The following PTPRQ variants were observed in gnomAD, a reference collection of about 807,000 sequenced individuals.
The protein encoded by PTPRQ is protein tyrosine phosphatase receptor type Q.
Under a neutral mutation model 246.0 loss-of-function variants are expected in PTPRQ, and 199 were observed. The ratio of observed to expected loss-of-function variants is 0.81; its 90% CI spans 0.72 to 0.91. The LOEUF (loss-of-function observed/expected upper bound fraction) is 0.91, where lower values mean the gene tolerates loss of function less well. Ranked by LOEUF, PTPRQ falls within the 40% of genes least tolerant of loss-of-function variation. PTPRQ has a pLI of 0.00. For missense variants in PTPRQ, 2,624 were observed against 2,528.4 expected (o/e 1.04, Z -0.81); for synonymous variants, 869 against 853.2 (o/e 1.02, Z -0.32).
chr12:80,624,215 A>G (rs1899110287), intron 33 of PTPRQ, among the ~76,000 whole-genome samples: 1 of 152,182 alleles, frequency 6.6e-6, no homozygotes, highest in African/African-American at 2.4e-5. Flanking sequence ...CTAAGGAAGG[A>G]GGGACTGGTG....
chr12:80,467,472 A>G (rs1368483322), intron 6 of PTPRQ, among the ~76,000 whole-genome samples: 3 of 152,084 alleles, frequency 2.0e-5, no homozygotes, highest in Non-Finnish European at 4.4e-5. Flanking sequence ...ATCTAGAACT[A>G]GAAATACCAT....
chr12:80,445,866 A>G, intron 3 of PTPRQ, 149 bp downstream of exon 3: 1 of 567,370 alleles, frequency 1.8e-6, no homozygotes, highest in South Asian at 2.5e-5. Context: ...CCCACCTGAG[A>G]TTTTAAAACT....
intron 17 of PTPRQ, among the ~76,000 whole-genome samples, chr12:80,533,725 C>G (rs1895908526): frequency 6.6e-6 from 1 of 152,018 alleles, no homozygotes; most frequent in African/African-American, 2.4e-5. Flanking sequence ...TACTTTAGTA[C>G]ATAGTATTCC....
rs1299338760 is a variant in PTPRQ, at chr12:80,632,323, G to A, written c.5786+32G>A. 2.6e-6 allele frequency: 4 copies of A among 1,550,638 alleles called. No individual in the cohort carries two copies. In the Admixed American group the frequency reaches 7.9e-5, roughly 30 times the overall value. ...TTTATTTGCGCTTACATTCCAGGAT[G>A]CTTTATGGGCATTATATCAGTCATA... On this transcript the variant is annotated intron_variant, in intron 34 of 44. Coordinates refer to ENST00000644991, the MANE Select transcript of PTPRQ (RefSeq NM_001145026.2).
At position 80,670,452 on chromosome 12, in the gene PTPRQ, A is replaced by G; in HGVS notation, c.6562A>G (p.Ser2188Gly). The part of the protein sequence containing the change: ...LIHFVKLVRA[S>G]RAHDTTPMIV... ...TCACTTTGTGAAGTTGGTTCGAGCA[A>G]GCAGGGCACATGACACCACACCTAT... The change falls in exon 42 of 45, where the codon AGC becomes GGC. Residue 2188 changes from serine (S) to glycine (G), a missense_variant. Transcript: ENST00000644991. 1 of 1,551,284 alleles carries G rather than the reference A, an allele frequency of 6.4e-7. No individual in the cohort carries two copies. The highest frequency in any genetic ancestry group is 2.0e-5 in the Admixed American group (1 of 50,954).
At chr12:80,506,732 T>C (rs1297673075) in intron 16 of PTPRQ, 62 bp downstream of exon 16, 3 of 1,437,492 alleles carry the variant, frequency 2.1e-6, no homozygotes, top group South Asian at 1.4e-5. Flanking sequence ...AACACACGTA[T>C]AGAATGAAAC....
At position 80,468,847 on chromosome 12, in the gene PTPRQ, T is replaced by C. The variant is rs553249132; in HGVS notation, c.1039+9T>C. 9 of 1,544,740 alleles carry C rather than the reference T, an allele frequency of 5.8e-6. No individual in the cohort carries two copies. The highest frequency in any genetic ancestry group is 2.4e-5 in the South Asian group (2 of 82,046). ...ATTATATGGACCATCAGGTAAGCCT[T>C]AATTGGTTTTGTGTTTGCCTTTTGG... On this transcript the variant is annotated intron_variant, in intron 7 of 44. Transcript: ENST00000644991.
chr12:80,495,177 A>G lies in PTPRQ; in HGVS notation c.1703-15A>G, dbSNP rs1592581044. 9 of 1,544,652 alleles carry G rather than the reference A, an allele frequency of 5.8e-6. No homozygotes were observed. The highest frequency in any genetic ancestry group is 7.0e-6 in the Non-Finnish European group (8 of 1,145,084). ...ATACTTTTTTTTCATTCATATGTTC[A>G]TTCTTCTTTTTAAGTGCCAAGCTCC... is the stretch of plus-strand genomic sequence containing the variant. On this transcript the variant is annotated splice_polypyrimidine_tract_variant and intron_variant, in intron 11 of 44. Transcript: ENST00000644991.
rs1442127023 is a variant in PTPRQ, at chr12:80,669,078, A to G, written c.6264A>G (p.Arg2088=). The change falls in exon 40 of 45, where the codon AGA becomes AGG. Residue 2088 remains arginine (R), a synonymous_variant. Coordinates refer to ENST00000644991, the MANE Select transcript of PTPRQ (RefSeq NM_001145026.2). ...PLPGTVGDFW[R]MVWETRAKTL... is the part of the protein sequence containing the mutation. ...CAGGAACAGTTGGAGATTTTTGGAG[A>G]ATGGTGTGGGAAACCAGAGCAAAAA... 1 of 1,550,570 alleles carries G rather than the reference A, an allele frequency of 6.4e-7. No individual in the cohort carries two copies. The highest frequency in any genetic ancestry group is 8.7e-7 in the Non-Finnish European group (1 of 1,146,148).
intron 3 of PTPRQ, among the ~76,000 whole-genome samples, chr12:80,446,492 A>G (rs1414175772): frequency 2.0e-5 from 3 of 151,764 alleles, no homozygotes; most frequent in African/African-American, 7.3e-5. Context: ...ACGTGGGTAT[A>G]TTGTGTAATG....
intron 17 of PTPRQ, among the ~76,000 whole-genome samples, chr12:80,513,961 G>A (rs1327356906): frequency 6.6e-6 from 1 of 152,122 alleles, no homozygotes; most frequent in Non-Finnish European, 1.5e-5. Context: ...TGCTAGAGGA[G>A]CCCTTACATC....
chr12:80,615,244 T>A (rs888297102), intron 29 of PTPRQ, among the ~76,000 whole-genome samples: 1 of 151,028 alleles, frequency 6.6e-6, no homozygotes, highest in African/African-American at 2.4e-5. Flanking sequence ...CTAGGCATTT[T>A]CAAGCCACAT....
At chr12:80,655,666 A>C (rs934615535) in intron 38 of PTPRQ, among the ~76,000 whole-genome samples, 1 of 151,960 alleles carries the variant, frequency 6.6e-6, no homozygotes, top group African/African-American at 2.4e-5. Context: ...GGAACAAGCA[A>C]ATAAGATGTT....
chr12:80,593,142 T>C (rs1897858268), intron 26 of PTPRQ, among the ~76,000 whole-genome samples: 1 of 152,218 alleles, frequency 6.6e-6, no homozygotes, highest in Non-Finnish European at 1.5e-5. Flanking sequence ...AACTGCATTT[T>C]ATCCTAATGA....
intron 22 of PTPRQ, 111 bp downstream of exon 22, chr12:80,542,475 A>G: frequency 1.4e-6 from 2 of 1,399,330 alleles, no homozygotes; most frequent in Non-Finnish European, 1.9e-6. Context: ...TATTTGTAAC[A>G]GCCTTACCAT....
chr12:80,571,184 A>G (rs926807895), intron 25 of PTPRQ, among the ~76,000 whole-genome samples: 1 of 152,128 alleles, frequency 6.6e-6, no homozygotes, highest in Non-Finnish European at 1.5e-5. Context: ...TCACTCTGTC[A>G]CCCAGGCTGG....
intron 33 of PTPRQ, among the ~76,000 whole-genome samples, chr12:80,624,247 T>C (rs1259963927): frequency 1.3e-5 from 2 of 152,086 alleles, no homozygotes; most frequent in African/African-American, 2.4e-5. Flanking sequence ...GGACACAATA[T>C]ATAGAAAGGC....
intron 25 of PTPRQ, chr12:80,583,546 A>G (rs1340932995): frequency 6.6e-6 from 1 of 152,190 alleles, no homozygotes; most frequent in Non-Finnish European, 1.5e-5. Flanking sequence ...AATGAATTTT[A>G]AAATAAACTA....
chr12:80,640,645 T>C (rs1196127637), intron 35 of PTPRQ, among the ~76,000 whole-genome samples: 1 of 152,220 alleles, frequency 6.6e-6, no homozygotes, highest in Non-Finnish European at 1.5e-5. Flanking sequence ...AATGCAGAAC[T>C]CTGCTGTGAT....
Sources: gnomAD v4.1 joint callset for allele counts (sites outside exome capture counted in the v4.1 genomes callset) on GRCh38, gnomAD v4.1.1 for gene constraint, MANE v1.5 for transcripts, NCBI Gene and HGNC (gene_info 2026-07-23, HGNC 2026-07-21) for gene names.